The following ADTRP variants were observed in gnomAD, a reference collection of about 807,000 sequenced individuals.
The protein encoded by ADTRP is androgen-dependent TFPI-regulating protein.
Under a neutral mutation model 27.0 loss-of-function variants are expected in ADTRP, and 20 were observed. That is an observed-to-expected ratio of 0.74 (90% CI 0.52 to 1.08). The LOEUF (loss-of-function observed/expected upper bound fraction) is 1.08. Ranked by LOEUF, ADTRP falls within the 50% of genes least tolerant of loss-of-function variation. The pLI is 0.00. For synonymous variants in ADTRP, 101 were observed against 105.2 expected (o/e 0.96, Z 0.25); for missense variants, 251 against 275.0 (o/e 0.91, Z 0.62).
intron 4 of ADTRP, among the ~76,000 whole-genome samples, chr6:11,733,626 C>G (rs778002590): frequency 3.9e-4 from 59 of 152,316 alleles, no homozygotes; most frequent in Admixed American, 9.8e-4. Context: ...GTCTGTTATG[C>G]TCCTCTTTCC....
At chr6:11,731,183 C>T (rs1946183654) in intron 4 of ADTRP, among the ~76,000 whole-genome samples, 1 of 152,206 alleles carries the variant, frequency 6.6e-6, no homozygotes, top group Admixed American at 6.5e-5. Context: ...CAGAAGGGTG[C>T]TTGGGGATAT....
intron 5 of ADTRP, among the ~76,000 whole-genome samples, chr6:11,715,843 T>C (rs925169313): frequency 8.2e-6 from 1 of 121,470 alleles, no homozygotes; most frequent in African/African-American, 2.9e-5. Context: ...TTTTTTTGCT[T>C]TTTTATTAGA....
intron 4 of ADTRP, among the ~76,000 whole-genome samples, chr6:11,730,801 G>A (rs892179170): frequency 6.6e-6 from 1 of 152,246 alleles, no homozygotes; most frequent in Non-Finnish European, 1.5e-5. Context: ...TACGGGGCAT[G>A]CAATACTTTA....
At chr6:11,773,304 T>A (rs1186281758) in intron 1 of ADTRP, among the ~76,000 whole-genome samples, 4 of 152,124 alleles carry the variant, frequency 2.6e-5, no homozygotes, top group Non-Finnish European at 4.4e-5. Flanking sequence ...CAGGTCAGGT[T>A]CCGTGGGAAA....
intron 4 of ADTRP, among the ~76,000 whole-genome samples, chr6:11,730,161 G>A (rs990060048): frequency 4.6e-5 from 7 of 152,218 alleles, no homozygotes; most frequent in African/African-American, 1.7e-4. Flanking sequence ...TCCCTCTTCA[G>A]TTTGGATCCT....
intron 4 of ADTRP, among the ~76,000 whole-genome samples, chr6:11,729,910 A>AT (rs1273764832): frequency 1.3e-5 from 2 of 151,946 alleles, no homozygotes; most frequent in African/African-American, 4.8e-5. Flanking sequence ...AATTATCCTA[A>AT]TTTTTCCTTT....
intron 3 of ADTRP, among the ~76,000 whole-genome samples, chr6:11,761,243 T>C (rs1334849135): frequency 6.6e-6 from 1 of 152,170 alleles, no homozygotes; most frequent in African/African-American, 2.4e-5. Context: ...TAAACCTGCC[T>C]TTTTTACACA....
rs193289816 is a variant in ADTRP at position 11,763,773 on chromosome 6, A to C, written c.390+2501T>G. ...AAGAACATTTAATAGTGAGGACAGAAAATGTCCAGAACAAGGAACACAGTC... is the reference window on the plus strand; with the variant it reads ...AAGAACATTTAATAGTGAGGACAGACAATGTCCAGAACAAGGAACACAGTC... On this transcript the variant is annotated intron_variant, in intron 3 of 5. Coordinates refer to ENST00000414691, the MANE Select transcript of ADTRP (RefSeq NM_032744.4). Among the ~76,000 whole-genome samples, 4 of 152,338 alleles carry C rather than the reference A, an allele frequency of 2.6e-5. No homozygotes were observed. In the East Asian group the frequency reaches 7.7e-4, roughly 29 times the overall value.
At chr6:11,715,074 CAAGTTGGTACTCCATATTTAAT>C in intron 5 of ADTRP, among the ~76,000 whole-genome samples, 1 of 152,338 alleles carries the variant, frequency 6.6e-6, no homozygotes, top group Admixed American at 6.5e-5. Flanking sequence ...ATTCAGCCAA[CAAGTTGGTACTCCATATTTAAT>C]GATCATAAAT....
At chr6:11,744,173 CTCT>C (rs1248940547) in intron 3 of ADTRP, among the ~76,000 whole-genome samples, 1 of 152,156 alleles carries the variant, frequency 6.6e-6, no homozygotes, top group Non-Finnish European at 1.5e-5. Context: ...TCTCTTGCCT[CTCT>C]TCTTCTCTTT....
chr6:11,772,212 C>T (rs899456934), intron 1 of ADTRP, among the ~76,000 whole-genome samples: 13 of 152,204 alleles, frequency 8.5e-5, no homozygotes, highest in Admixed American at 2.6e-4. Context: ...GTTCCCACTG[C>T]GTGTTCCGTG....
chr6:11,766,265 C>A lies in ADTRP; in HGVS notation c.390+9G>T. On this transcript the variant is annotated intron_variant, in intron 3 of 5. Coordinates refer to ENST00000414691, the MANE Select transcript of ADTRP (RefSeq NM_032744.4). ...TGTTCTGAGTTCACTGAATTTTCCC[C>A]TCACTCACCATTGCATGATTCAGCC... 6.3e-7 allele frequency: 1 copy of A among 1,598,850 alleles called. No homozygotes were observed. The highest frequency in any genetic ancestry group is 8.5e-7 in the Non-Finnish European group (1 of 1,170,196).
intron 5 of ADTRP, among the ~76,000 whole-genome samples, chr6:11,720,479 TC>T (rs199839791): frequency 9.6e-4 from 144 of 149,388 alleles, no homozygotes; most frequent in Non-Finnish European, 1.8e-3. Flanking sequence ...TATACCCTTT[TC>T]TTTTTTTTTG....
At chr6:11,762,713 G>T (rs961721873) in intron 3 of ADTRP, among the ~76,000 whole-genome samples, 7 of 152,182 alleles carry the variant, frequency 4.6e-5, no homozygotes, top group African/African-American at 1.7e-4. Flanking sequence ...GACAGCTGTT[G>T]AAGTTTGCAC....
Position 11,732,336 on chromosome 6 carries a change from T to C in ADTRP, c.506+3232A>G. 1.3e-5 allele frequency among the ~76,000 whole-genome samples: 2 copies of C among 152,250 alleles called. 1 individual carries two copies. Among genetic ancestry groups the C allele is most frequent in the South Asian group, 4.1e-4 (2 of 4,836 alleles). ...CCCTCTGGCCCGAGCCCATGCTCTT[T>C]ACCTCATTCGTGTTATGCCATTTCC... is the stretch of plus-strand genomic sequence containing the variant. On this transcript the variant is annotated intron_variant, in intron 4 of 5. Coordinates refer to ENST00000414691, the MANE Select transcript of ADTRP (RefSeq NM_032744.4).
At chr6:11,764,430 AGATACT>A (rs1389045812) in intron 3 of ADTRP, among the ~76,000 whole-genome samples, 1 of 152,206 alleles carries the variant, frequency 6.6e-6, no homozygotes, top group Non-Finnish European at 1.5e-5. Context: ...ACCACATAAA[AGATACT>A]TATAAGACTC....
At chr6:11,724,658 C>T (rs1762129471) in intron 4 of ADTRP, among the ~76,000 whole-genome samples, 1 of 152,228 alleles carries the variant, frequency 6.6e-6, no homozygotes, top group South Asian at 2.1e-4. Context: ...GAATCTGGAA[C>T]TGGGCTTCTG....
At chr6:11,724,603 G>T (rs116654071) in intron 4 of ADTRP, among the ~76,000 whole-genome samples, 1 of 152,256 alleles carries the variant, frequency 6.6e-6, no homozygotes, top group African/African-American at 2.4e-5. Context: ...TTAAATGTGG[G>T]GAAGCTGATG....
intron 2 of ADTRP, among the ~76,000 whole-genome samples, 197 bp from the exon 3 acceptor site, chr6:11,766,572 T>C (rs1439536771): frequency 6.6e-6 from 1 of 152,258 alleles, no homozygotes; most frequent in Non-Finnish European, 1.5e-5. Flanking sequence ...CATTGCTATA[T>C]CTGCTCTTTC....
Sources: gnomAD v4.1 joint callset for allele counts (sites outside exome capture counted in the v4.1 genomes callset) on GRCh38, gnomAD v4.1.1 for gene constraint, MANE v1.5 for transcripts, NCBI Gene and HGNC (gene_info 2026-07-23, HGNC 2026-07-21) for gene names.